Variants in ETV3 observed in about 807,000 individuals in gnomAD.
ETV3 encodes the protein ETS translocation variant 3.
In ETV3, 8 loss-of-function variants were observed where a neutral mutation model predicts 33.0. The ratio of observed to expected loss-of-function variants is 0.24; its 90% CI spans 0.14 to 0.44. The LOEUF (loss-of-function observed/expected upper bound fraction) is 0.44, where lower values mean the gene tolerates loss of function less well. ETV3 is among the 20% of genes least tolerant of loss of function. ETV3 has a pLI of 1.00. For missense variants in ETV3, 473 were observed against 652.3 expected (o/e 0.73, Z 2.99); for synonymous variants, 222 against 238.9 (o/e 0.93, Z 0.65).
intron 1 of ETV3, among the ~76,000 whole-genome samples, chr1:157,136,879 T>C (rs1675125340): frequency 6.6e-6 from 1 of 152,194 alleles, no homozygotes; most frequent in Non-Finnish European, 1.5e-5. Context: ...TACTGAATTA[T>C]GTGAGATAGA....
intron 4 of ETV3, among the ~76,000 whole-genome samples, chr1:157,130,623 A>C (rs752369222): frequency 1.1e-4 from 17 of 152,128 alleles, no homozygotes; most frequent in Non-Finnish European, 2.2e-4. Context: ...TGGTCCTACC[A>C]CTTACTAGTT....
At chr1:157,129,407 T>G (rs1486592665) in intron 4 of ETV3, among the ~76,000 whole-genome samples, 1 of 152,218 alleles carries the variant, frequency 6.6e-6, no homozygotes, top group African/African-American at 2.4e-5. Flanking sequence ...TTCAGAAACA[T>G]AACACTGTAG....
At chr1:157,126,292 A>T (rs1674834062) in intron 4 of ETV3, among the ~76,000 whole-genome samples, 1 of 152,216 alleles carries the variant, frequency 6.6e-6, no homozygotes, top group South Asian at 2.1e-4. Context: ...TACACCTCAC[A>T]GTTCAGGGCT....
rs1189177956 is a variant in ETV3, at chr1:157,135,677, T to G, written c.78A>C (p.Thr26=). The part of the protein sequence containing the change: ...GYQFPDWAYK[T]ESSPGSRQIQ... ...TCTGCCGGGAGCCTGGGGATGACTC[T>G]GTTTTGTAGGCCCAGTCAGGAAACT... Residue 26 remains threonine (T), a synonymous_variant, in exon 3 of 5, where the codon ACA becomes ACC. Transcript: ENST00000368192. 1 of 1,614,262 alleles carries G rather than the reference T, an allele frequency of 6.2e-7. No individual in the cohort carries two copies. Among genetic ancestry groups the G allele is most frequent in the South Asian group, 1.1e-5 (1 of 91,086 alleles).
rs1439257387 is a variant in ETV3 at position 157,123,613 on chromosome 1, G to T, written c.*1228C>A. The T allele has an allele frequency of 6.6e-6, 1 of 152,116 alleles. No homozygotes were observed. The highest frequency in any genetic ancestry group is 1.5e-5 in the Non-Finnish European group (1 of 68,026). The allele number at this position is 152,116 out of a possible 1,614,324, so 9.4% of individuals were successfully genotyped here. The stretch of plus-strand genomic sequence containing the variant: ...ACTTGTACCCCCAGCTACCTCCCAT[G>T]TTTCCAGGTATCATTGGCTCTTAAC... On this transcript the variant is annotated 3_prime_UTR_variant, in exon 5 of 5. Coordinates refer to ENST00000368192, the MANE Select transcript of ETV3 (RefSeq NM_001145312.3).
At chr1:157,133,416 GA>G in intron 4 of ETV3, 2 of 985,364 alleles carry the variant, frequency 2.0e-6, no homozygotes, top group Non-Finnish European at 2.4e-6. Flanking sequence ...TTTGCATAAG[GA>G]AAAAAATCAC....
chr1:157,132,001 C>T (rs1240001802), intron 4 of ETV3, among the ~76,000 whole-genome samples: 5 of 152,192 alleles, frequency 3.3e-5, no homozygotes, highest in Non-Finnish European at 1.5e-5. Flanking sequence ...GTCTCGCTGT[C>T]GCCCAGGCTG....
At chr1:157,131,229 C>G (rs1365872991) in intron 4 of ETV3, among the ~76,000 whole-genome samples, 1 of 152,084 alleles carries the variant, frequency 6.6e-6, no homozygotes, top group African/African-American at 2.4e-5. Context: ...TCTGTCCTGC[C>G]CCATCCTGAC....
chr1:157,124,948 G>A lies in ETV3; in HGVS notation c.1432C>T (p.Arg478Trp), dbSNP rs758268600. 5.8e-6 allele frequency: 9 copies of A among 1,551,732 alleles called. No individual in the cohort carries two copies. The highest frequency in any genetic ancestry group is 1.7e-4 in the Middle Eastern group (1 of 5,992). The change falls in exon 5 of 5, where the codon CGG becomes TGG. Residue 478 changes from arginine (R) to tryptophan (W), a missense_variant. Coordinates refer to ENST00000368192, the MANE Select transcript of ETV3 (RefSeq NM_001145312.3). ...GCTTCAGGGTCATCATTCCAGCGCCGCTTCAACCGAAGCTTGGGGGGCATC... is the reference window on the plus strand; with the variant it reads ...GCTTCAGGGTCATCATTCCAGCGCCACTTCAACCGAAGCTTGGGGGGCATC... ...ALMPPKLRLK[R>W]RWNDDPEARE... is the part of the protein sequence containing the mutation.
chr1:157,137,443 A>G (rs903282080), intron 1 of ETV3, among the ~76,000 whole-genome samples: 1 of 151,844 alleles, frequency 6.6e-6, no homozygotes, highest in African/African-American at 2.4e-5. Context: ...AGCAAGTGTC[A>G]GTCTACAAAA....
At chr1:157,137,931 C>T (rs1675160886) in intron 1 of ETV3, among the ~76,000 whole-genome samples, 1 of 152,218 alleles carries the variant, frequency 6.6e-6, no homozygotes, top group Admixed American at 6.5e-5. Flanking sequence ...ACTCTGCAAA[C>T]CACAGGACCC....
At chr1:157,135,098 G>A (rs927580343) in intron 3 of ETV3, 6 of 266,154 alleles carry the variant, frequency 2.3e-5, no homozygotes, top group African/African-American at 1.3e-4. Context: ...TTTCTTTCAG[G>A]GAAGCCCAAA....
chr1:157,129,793 G>A, intron 4 of ETV3, among the ~76,000 whole-genome samples: 1 of 152,134 alleles, frequency 6.6e-6, no homozygotes, highest in East Asian at 1.9e-4. Context: ...ATAATGTGCA[G>A]GGAAAGGTCT....
rs1212868323 is a variant in ETV3 at position 157,124,746 on chromosome 1, A to G, written c.*95T>C. 2 of 919,518 alleles carry G rather than the reference A, an allele frequency of 2.2e-6. No individual in the cohort carries two copies. The highest frequency in any genetic ancestry group is 1.7e-5 in the African/African-American group (1 of 59,496). 57.0% of individuals were successfully genotyped at this position (919,518 alleles called of 1,614,324 possible). On this transcript the variant is annotated 3_prime_UTR_variant, in exon 5 of 5. Transcript: ENST00000368192. ...TCTATGCCCCTAGAATGATCAAACCAGTTTAACTCCCTCCCCCCCACCCTG... is the reference window on the plus strand; with the variant it reads ...TCTATGCCCCTAGAATGATCAAACCGGTTTAACTCCCTCCCCCCCACCCTG...
intron 4 of ETV3, among the ~76,000 whole-genome samples, chr1:157,130,665 C>T (rs933130292): frequency 1.2e-4 from 18 of 152,184 alleles, no homozygotes; most frequent in Non-Finnish European, 2.1e-4. Flanking sequence ...CTCTCTGTGC[C>T]TCAGTTTCCT....
At chr1:157,137,509 AACACACACACACACACAC>A (rs10567825) in intron 1 of ETV3, among the ~76,000 whole-genome samples, 3 of 144,968 alleles carry the variant, frequency 2.1e-5, no homozygotes, top group Admixed American at 7.0e-5. Flanking sequence ...GACAAGGAAA[AACACACACACACACACAC>A]ACACACACAC....
chr1:157,130,977 T>G (rs569380080), intron 4 of ETV3, among the ~76,000 whole-genome samples: 10 of 152,304 alleles, frequency 6.6e-5, no homozygotes, highest in Non-Finnish European at 1.5e-4. Context: ...GGACGAAATG[T>G]CATGATGTCT....
Position 157,125,219 on chromosome 1 carries a change from T to C in ETV3, c.1161A>G (p.Glu387=). The C allele has an allele frequency of 6.4e-7, 1 of 1,552,248 alleles. No individual in the cohort carries two copies. Residue 387 remains glutamate, a synonymous_variant, in exon 5 of 5, where the codon GAA becomes GAG. Transcript: ENST00000368192. This position sits in a 1 kb window ranked among gnomAD's most constrained non-coding sequence, Gnocchi z 4.0. ...ACTGCCTGAGGCTCTCAGGATCCTT[T>C]TCAGAGGCAGGTTCCACCTTGATTC... ...PPRIKVEPAS[E]KDPESLRQSA...
At chr1:157,135,137 G>A in intron 3 of ETV3, 1 of 355,680 alleles carries the variant, frequency 2.8e-6, no homozygotes, top group East Asian at 5.1e-5. Context: ...TTCTAATAGA[G>A]AAGTCTAAAC....
Sources: allele counts gnomAD v4.1 joint callset (sites outside exome capture counted in the v4.1 genomes callset), GRCh38; gene constraint gnomAD v4.1.1; non-coding constraint Gnocchi (gnomAD v3.1); transcripts MANE v1.5; gene names NCBI Gene and HGNC (gene_info 2026-07-23, HGNC 2026-07-21).